Variants in INIP observed in about 807,000 individuals in gnomAD.
INIP encodes SOSS complex subunit C.
INIP carries 9 observed loss-of-function variants against 14.0 expected under a neutral mutation model. That is an observed-to-expected ratio of 0.64 (90% CI 0.39 to 1.12). The LOEUF is 1.12. Among genes scored for constraint, INIP ranks in the 50% most tolerant of loss-of-function variants. The pLI, the probability that INIP is intolerant of heterozygous loss-of-function variation, is 0.01. For missense variants in INIP, 78 were observed against 122.7 expected (o/e 0.64, Z 1.72); for synonymous variants, 37 against 41.5 (o/e 0.89, Z 0.41).
At chr9:112,707,240 C>CTTTTT (rs745697280) in intron 2 of INIP, among the ~76,000 whole-genome samples, 2 of 124,292 alleles carry the variant, frequency 1.6e-5, no homozygotes, top group Non-Finnish European at 3.5e-5. Context: ...TGCCCGGCCT[C>CTTTTT]TTTTTTTTTT....
chr9:112,695,595 G>A (rs988295380), intron 2 of INIP, among the ~76,000 whole-genome samples: 1 of 151,984 alleles, frequency 6.6e-6, no homozygotes, highest in African/African-American at 2.4e-5. Context: ...CCAGGATTCT[G>A]GGCAAAATAA....
rs1837659899 is a variant in INIP, at chr9:112,686,244, C to T, written c.*1294G>A. 1 of 152,118 alleles carries T rather than the reference C, an allele frequency of 6.6e-6. No homozygotes were observed. The highest frequency in any genetic ancestry group is 2.1e-4 in the South Asian group (1 of 4,830). 9.4% of individuals were successfully genotyped at this position (152,118 alleles called of 1,614,324 possible). A position where few individuals can be genotyped will look rare whatever the true frequency, so the allele number is the denominator to read the frequency against. On this transcript the variant is annotated 3_prime_UTR_variant, in exon 5 of 5. Coordinates refer to ENST00000374242, the MANE Select transcript of INIP (RefSeq NM_021218.3). ...TTTTAGCTAAATGACCTCTAAGTTT[C>T]AGGGATCTACAAACCCATGCGTGTA... is the stretch of plus-strand genomic sequence containing the variant.
chr9:112,717,473 A>G (rs1838862108), intron 1 of INIP, among the ~76,000 whole-genome samples: 1 of 152,080 alleles, frequency 6.6e-6, no homozygotes, highest in African/African-American at 2.4e-5. Context: ...CAAGACCCTA[A>G]TCCTGCTTTC....
At position 112,694,246 on chromosome 9, in the gene INIP, G is replaced by T. The variant is rs774472466; in HGVS notation, c.26-13C>A. On this transcript the variant is annotated splice_polypyrimidine_tract_variant and intron_variant, in intron 2 of 4. Transcript: ENST00000374242. ...TTGTTTTGAAAACCTAAAAAAAAGA[G>T]GGGAATAGGAGAAAAGGGAGAAAGA... 2.0e-6 allele frequency: 3 copies of T among 1,473,236 alleles called. No homozygotes were observed. The highest frequency in any genetic ancestry group is 4.5e-5 in the East Asian group (2 of 44,122). 91.3% of individuals were successfully genotyped at this position (1,473,236 alleles called of 1,614,324 possible).
In INIP at chr9:112,708,109, A is replaced by T. The variant is rs1838536295; in HGVS notation, c.25+8352T>A. 1.3e-5 allele frequency among the ~76,000 whole-genome samples: 2 copies of T among 152,240 alleles called. 1 individual carries two copies. Among genetic ancestry groups the T allele is most frequent in the Admixed American group, 1.3e-4 (2 of 15,286 alleles). On this transcript the variant is annotated intron_variant, in intron 2 of 4. Transcript: ENST00000374242. ...AAATAATCACATGAATGAATGTGTA[A>T]TTAAAATCTAACATGAGTAGTCTGA... is the stretch of plus-strand genomic sequence containing the variant.
chr9:112,697,960 C>A (rs1036687546), intron 2 of INIP, among the ~76,000 whole-genome samples: 4 of 152,148 alleles, frequency 2.6e-5, no homozygotes, highest in Admixed American at 6.5e-5. Flanking sequence ...TTGCTTAGGG[C>A]AGTTTGCTTA....
In INIP at chr9:112,686,428, C is replaced by A. The variant is rs535102946; in HGVS notation, c.*1110G>T. 1.3e-5 allele frequency: 2 copies of A among 152,138 alleles called. No homozygotes were observed. Among genetic ancestry groups the A allele is most frequent in the African/African-American group, 4.8e-5 (2 of 41,426 alleles). 9.4% of individuals were successfully genotyped at this position (152,138 alleles called of 1,614,324 possible). A position where few individuals can be genotyped will look rare whatever the true frequency, so the allele number is the denominator to read the frequency against. On this transcript the variant is annotated 3_prime_UTR_variant, in exon 5 of 5. Coordinates refer to ENST00000374242, the MANE Select transcript of INIP (RefSeq NM_021218.3). ...ACCCCAGATACTGCTAAAGATGGGT[C>A]ATGTTGAGAGACTTTCTTAACCTAA...
At chr9:112,706,894 C>T (rs981312176) in intron 2 of INIP, among the ~76,000 whole-genome samples, 3 of 152,068 alleles carry the variant, frequency 2.0e-5, no homozygotes, top group African/African-American at 7.2e-5. Flanking sequence ...AACCACCAAA[C>T]CTGGCAGAAA....
intron 2 of INIP, 106 bp from the exon 3 acceptor site, chr9:112,694,339 C>G: frequency 3.0e-6 from 2 of 665,916 alleles, no homozygotes; most frequent in Non-Finnish European, 5.2e-6. Flanking sequence ...GAAAGCAAAA[C>G]TCCTATTCTC....
At position 112,689,616 on chromosome 9, in the gene INIP, T is replaced by C; in HGVS notation, c.130A>G (p.Ile44Val). ...TTAAGAGAGGGTCTCGAGAGTGCAATGCTAAAATGGGAATCTTGGTTACTC... is the reference window on the plus strand; with the variant it reads ...TTAAGAGAGGGTCTCGAGAGTGCAACGCTAAAATGGGAATCTTGGTTACTC... ...QSSTNHPGAS[I>V]ALSRPSLNKD... The change falls in exon 4 of 5, where the codon ATT (isoleucine) becomes GTT (valine). Residue 44 changes from isoleucine to valine, a missense_variant and splice_region_variant. Ile to Val is a conservative substitution (Grantham distance 29, BLOSUM62 3). Coordinates refer to ENST00000374242, the MANE Select transcript of INIP (RefSeq NM_021218.3). 1 of 1,613,192 alleles carries C rather than the reference T, an allele frequency of 6.2e-7. No homozygotes were observed. Among genetic ancestry groups the C allele is most frequent in the Non-Finnish European group, 8.5e-7 (1 of 1,179,104 alleles).
chr9:112,700,721 T>A (rs2153837), intron 2 of INIP, among the ~76,000 whole-genome samples: 13,570 of 151,842 alleles, frequency 0.089, 695 homozygotes, highest in African/African-American at 0.13. Flanking sequence ...TTGATTGGCT[T>A]GGTCAAGAAG....
chr9:112,700,956 GA>G (rs1424207729), intron 2 of INIP, among the ~76,000 whole-genome samples: 1 of 151,724 alleles, frequency 6.6e-6, no homozygotes, highest in Admixed American at 6.6e-5. Context: ...GTCTCAAAAA[GA>G]AAAAACAGAA....
chr9:112,701,230 C>A (rs1838289967), intron 2 of INIP, among the ~76,000 whole-genome samples: 1 of 152,172 alleles, frequency 6.6e-6, no homozygotes, highest in Non-Finnish European at 1.5e-5. Context: ...ATTGCTTGAA[C>A]TGGGAGGTGG....
At chr9:112,706,515 A>C (rs1180901898) in intron 2 of INIP, among the ~76,000 whole-genome samples, 1 of 151,954 alleles carries the variant, frequency 6.6e-6, no homozygotes, top group African/African-American at 2.4e-5. Flanking sequence ...CAGACTCCCA[A>C]AGTAGTGGGA....
intron 2 of INIP, among the ~76,000 whole-genome samples, chr9:112,700,604 A>C (rs1838263114): frequency 6.7e-6 from 1 of 148,926 alleles, no homozygotes; most frequent in African/African-American, 2.4e-5. Flanking sequence ...TAACTACTAC[A>C]ATTTTTAGGC....
chr9:112,684,375 T>C lies in INIP; in HGVS notation c.*3163A>G, dbSNP rs1167217871. 6.6e-6 allele frequency: 1 copy of C among 150,872 alleles called. No homozygotes were observed. The highest frequency in any genetic ancestry group is 1.5e-5 in the Non-Finnish European group (1 of 67,818). The allele number at this position is 150,872 out of a possible 1,614,324, so 9.3% of individuals were successfully genotyped here. A position where few individuals can be genotyped will look rare whatever the true frequency, so the allele number is the denominator to read the frequency against. ...GCCTGGGCAACATAGCAAGATGCTG[T>C]CTCTACAAAAATTAAAAAAAAAAAA... is the stretch of plus-strand genomic sequence containing the variant. On this transcript the variant is annotated 3_prime_UTR_variant, in exon 5 of 5. Coordinates refer to ENST00000374242, the MANE Select transcript of INIP (RefSeq NM_021218.3).
Position 112,692,528 on chromosome 9 carries a change from C to T in INIP, c.128+1603G>A, listed in dbSNP as rs144070220. Among the ~76,000 whole-genome samples, 731 of 152,118 alleles carry T rather than the reference C, an allele frequency of 4.8e-3. 2 individuals are homozygous for T. Among genetic ancestry groups the T allele is most frequent in the Non-Finnish European group, 8.5e-3 (580 of 67,994 alleles). On this transcript the variant is annotated intron_variant, in intron 3 of 4. Coordinates refer to ENST00000374242, the MANE Select transcript of INIP (RefSeq NM_021218.3). ...CGAGCTACTGGGCTCAAGTGATCCA[C>T]CCACCTTAGCCTCCCAAAATGCTGG...
At chr9:112,716,696 C>T (rs1442917938) in intron 1 of INIP, among the ~76,000 whole-genome samples, 155 bp from the exon 2 acceptor site, 2 of 152,042 alleles carry the variant, frequency 1.3e-5, no homozygotes, top group Non-Finnish European at 2.9e-5. Context: ...CCTGTAATCC[C>T]AGCACTTTGG....
rs756320068 is a variant in INIP, at chr9:112,685,294, G to A, written c.*2244C>T. On this transcript the variant is annotated 3_prime_UTR_variant, in exon 5 of 5. Transcript: ENST00000374242. ...TTAGTAGAGACAGGGGTCTCACTAT[G>A]TTGCCTAGGCTGTGGCTTGCTTTAT... 6.1e-5 allele frequency: 9 copies of A among 148,054 alleles called. No individual in the cohort carries two copies. Among genetic ancestry groups the A allele is most frequent in the Non-Finnish European group, 8.9e-5 (6 of 67,138 alleles). The allele number at this position is 148,054 out of a possible 1,614,324, so 9.2% of individuals were successfully genotyped here. A position where few individuals can be genotyped will look rare whatever the true frequency, so the allele number is the denominator to read the frequency against.
Sources: allele counts gnomAD v4.1 joint callset (sites outside exome capture counted in the v4.1 genomes callset), GRCh38; gene constraint gnomAD v4.1.1; transcripts MANE v1.5; gene names NCBI Gene and HGNC (gene_info 2026-07-23, HGNC 2026-07-21).